MAN1C1: variants seen among roughly 807,000 people sequenced by gnomAD.
MAN1C1 encodes the protein mannosyl-oligosaccharide 1,2-alpha-mannosidase IC.
In MAN1C1, 49 loss-of-function variants were observed where a neutral mutation model predicts 71.5. The ratio of observed to expected loss-of-function variants is 0.69; its 90% CI spans 0.54 to 0.87. MAN1C1 has a LOEUF of 0.87. Ranked by LOEUF, MAN1C1 falls within the 40% of genes least tolerant of loss-of-function variation. The probability of loss-of-function intolerance (pLI) is 0.00; values close to 1 mark genes in which losing one functional copy is unlikely to be tolerated. For synonymous variants in MAN1C1, 352 were observed against 343.7 expected (o/e 1.02, Z -0.27); for missense variants, 743 against 835.0 (o/e 0.89, Z 1.36).
chr1:25,635,976 A>G (rs1179594303), intron 1 of MAN1C1, among the ~76,000 whole-genome samples: 2 of 152,216 alleles, frequency 1.3e-5, no homozygotes, highest in African/African-American at 2.4e-5. Context: ...CCGGGGTGAC[A>G]TCACATATCG....
chr1:25,763,413 T>C (rs1213107068), intron 6 of MAN1C1, among the ~76,000 whole-genome samples: 1 of 131,348 alleles, frequency 7.6e-6, no homozygotes, highest in Non-Finnish European at 1.5e-5. Flanking sequence ...TGCTTGAACC[T>C]GGGAGGCAGA....
intron 2 of MAN1C1, among the ~76,000 whole-genome samples, chr1:25,705,336 C>A (rs754137779): frequency 1.3e-5 from 2 of 152,194 alleles, no homozygotes; most frequent in African/African-American, 2.4e-5. Flanking sequence ...CGTCTTGTGA[C>A]CTGCAGTTTC....
chr1:25,702,725 C>G (rs1231316829), intron 2 of MAN1C1, among the ~76,000 whole-genome samples: 2 of 152,158 alleles, frequency 1.3e-5, no homozygotes, highest in African/African-American at 4.8e-5. Flanking sequence ...TTGTGAAAAT[C>G]CAATTAGTTA....
intron 1 of MAN1C1, among the ~76,000 whole-genome samples, chr1:25,683,059 T>C (rs1232882929): frequency 2.7e-5 from 4 of 147,876 alleles, no homozygotes; most frequent in African/African-American, 9.9e-5. Context: ...AAAAAGAGAC[T>C]ACTATTAAGG....
intron 2 of MAN1C1, among the ~76,000 whole-genome samples, chr1:25,687,078 C>T (rs754429554): frequency 2.0e-5 from 3 of 152,076 alleles, no homozygotes; most frequent in Non-Finnish European, 4.4e-5. Flanking sequence ...GAGTTCAGGT[C>T]CGGCCTGGGC....
intron 1 of MAN1C1, among the ~76,000 whole-genome samples, chr1:25,640,308 C>T (rs1043775941): frequency 3.9e-5 from 6 of 152,166 alleles, no homozygotes; most frequent in Admixed American, 3.9e-4. Flanking sequence ...GATCCCTCTC[C>T]CCCATCCTCA....
chr1:25,722,658 T>C (rs2046781927), intron 2 of MAN1C1, among the ~76,000 whole-genome samples: 1 of 152,234 alleles, frequency 6.6e-6, no homozygotes, highest in Non-Finnish European at 1.5e-5. Flanking sequence ...TTTTTGAAGT[T>C]TTCTTCTTCC....
At chr1:25,657,720 T>C (rs2045787818) in intron 1 of MAN1C1, among the ~76,000 whole-genome samples, 1 of 152,194 alleles carries the variant, frequency 6.6e-6, no homozygotes. Flanking sequence ...TGACAGGCCC[T>C]GGGAACATGG....
At position 25,742,573 on chromosome 1, in the gene MAN1C1, C is replaced by T. The variant is rs143273643; in HGVS notation, c.638-4095C>T. Among the ~76,000 whole-genome samples the T allele has an allele frequency of 1.8e-3, 280 of 152,350 alleles. 1 individual carries two copies. Among genetic ancestry groups the T allele is most frequent in the African/African-American group, 6.2e-3 (259 of 41,574 alleles). On this transcript the variant is annotated intron_variant, in intron 2 of 11. Transcript: ENST00000374332. Reference sequence around the variant, plus strand: ...TTTTTGTGGAGGGGCTGCCCAGTGCCAGTAGGGGCAAGGAGGGCCACATGT... The same window carrying T: ...TTTTTGTGGAGGGGCTGCCCAGTGCTAGTAGGGGCAAGGAGGGCCACATGT...
At chr1:25,740,497 C>T (rs570139730) in intron 2 of MAN1C1, among the ~76,000 whole-genome samples, 3 of 152,174 alleles carry the variant, frequency 2.0e-5, no homozygotes, top group African/African-American at 2.4e-5. Flanking sequence ...AGTGCAGTGG[C>T]GCTATCTCGG....
rs1557734847 is a variant in MAN1C1, at chr1:25,617,762, A to G, written c.-36A>G. ...CGCGCCCCCGCAGACACGTGCCTGG[A>G]CTCCGAGGGCTTCTGGAGCCACCGG... On this transcript the variant is annotated 5_prime_UTR_variant, in exon 1 of 12. Coordinates refer to ENST00000374332, the MANE Select transcript of MAN1C1 (RefSeq NM_020379.4). This position sits in a 1 kb window ranked among gnomAD's most constrained non-coding sequence, Gnocchi z 5.1. 2 of 1,542,196 alleles carry G rather than the reference A, an allele frequency of 1.3e-6. No individual in the cohort carries two copies. Among genetic ancestry groups the G allele is most frequent in the South Asian group, 2.4e-5 (2 of 84,080 alleles).
chr1:25,618,623 G>A (rs1482185931), intron 1 of MAN1C1, among the ~76,000 whole-genome samples: 1 of 151,816 alleles, frequency 6.6e-6, no homozygotes, highest in Non-Finnish European at 1.5e-5. Flanking sequence ...CTGGTATGTC[G>A]TATCCAACCC....
At chr1:25,731,768 T>C (rs891834619) in intron 2 of MAN1C1, among the ~76,000 whole-genome samples, 16 of 152,172 alleles carry the variant, frequency 1.1e-4, no homozygotes, top group African/African-American at 3.9e-4. Flanking sequence ...GTCTCCTCTT[T>C]ACTGATGCTG....
At chr1:25,738,327 T>G (rs1338363493) in intron 2 of MAN1C1, among the ~76,000 whole-genome samples, 2 of 152,190 alleles carry the variant, frequency 1.3e-5, no homozygotes, top group East Asian at 3.9e-4. Context: ...TCCCAGTCCG[T>G]AAATGGGTTT....
At chr1:25,657,704 A>T (rs2045787665) in intron 1 of MAN1C1, among the ~76,000 whole-genome samples, 1 of 152,184 alleles carries the variant, frequency 6.6e-6, no homozygotes, top group African/African-American at 2.4e-5. Flanking sequence ...CCATAGACAA[A>T]CAAGATGACA....
chr1:25,666,529 T>C (rs2045927074), intron 1 of MAN1C1, among the ~76,000 whole-genome samples: 3 of 152,154 alleles, frequency 2.0e-5, no homozygotes, highest in Admixed American at 1.3e-4. Context: ...AAAGAGCAGC[T>C]TCTCAGGGCA....
intron 7 of MAN1C1, among the ~76,000 whole-genome samples, chr1:25,765,428 T>C (rs774000130): frequency 1.1e-4 from 17 of 152,292 alleles, no homozygotes; most frequent in South Asian, 4.1e-4. Flanking sequence ...ACTGTCTGTG[T>C]GCAAACAAGG....
intron 2 of MAN1C1, among the ~76,000 whole-genome samples, chr1:25,728,418 C>G (rs1329409392): frequency 6.6e-6 from 1 of 152,178 alleles, no homozygotes; most frequent in Non-Finnish European, 1.5e-5. Flanking sequence ...GAAACAGGCT[C>G]AGGGAGGTGA....
At chr1:25,618,982 A>G (rs182731674) in intron 1 of MAN1C1, among the ~76,000 whole-genome samples, 3 of 152,238 alleles carry the variant, frequency 2.0e-5, no homozygotes, top group Non-Finnish European at 4.4e-5. Flanking sequence ...AGCAGTGGTC[A>G]TATTACAGAA....
Sources: gnomAD v4.1 joint callset for allele counts (sites outside exome capture counted in the v4.1 genomes callset) on GRCh38, gnomAD v4.1.1 for gene constraint, Gnocchi (gnomAD v3.1) non-coding constraint, MANE v1.5 for transcripts, NCBI Gene and HGNC (gene_info 2026-07-23, HGNC 2026-07-21) for gene names.